The following BCO1 variants were observed in gnomAD, a reference collection of about 807,000 sequenced individuals.
The protein encoded by BCO1 is beta-carotene oxygenase 1.
In BCO1, 54 loss-of-function variants were observed where a neutral mutation model predicts 56.3. The ratio of observed to expected loss-of-function variants is 0.96; its 90% CI spans 0.77 to 1.20. The LOEUF is 1.20. BCO1 is among the 50% of genes most tolerant of loss of function. The probability of loss-of-function intolerance (pLI) is 0.00; values close to 1 mark genes in which losing one functional copy is unlikely to be tolerated. For missense variants in BCO1, 801 were observed against 690.9 expected (o/e 1.16, Z -1.79); for synonymous variants, 318 against 266.1 (o/e 1.20, Z -1.90).
intron 2 of BCO1, among the ~76,000 whole-genome samples, chr16:81,253,293 C>G (rs902740767): frequency 2.0e-5 from 3 of 152,170 alleles, no homozygotes; most frequent in African/African-American, 7.2e-5. Context: ...TCTCAATACT[C>G]TACGCAGCTT....
Position 81,247,250 on chromosome 16 carries a change from C to T in BCO1, c.193+1647C>T, listed in dbSNP as rs73599345. Among the ~76,000 whole-genome samples, 1,275 of 152,246 alleles carry T rather than the reference C, an allele frequency of 8.4e-3. 21 individuals carry two copies. The highest frequency in any genetic ancestry group is 0.029 in the African/African-American group (1,207 of 41,534). The stretch of plus-strand genomic sequence containing the variant: ...CTGGGATTACGTTAAGTCTCTCAGC[C>T]TCAGTTTCCTCATCAGTAAAATGAG... On this transcript the variant is annotated intron_variant, in intron 2 of 10. Coordinates refer to ENST00000258168, the MANE Select transcript of BCO1 (RefSeq NM_017429.3).
chr16:81,276,215 A>G lies in BCO1; in HGVS notation c.1102-4642A>G, dbSNP rs146346974. ...TTTTCTGCTCTTAGACCCTGGCAAG[A>G]GGGGCCCCTGCTCTGGGTTTGGCAC... On this transcript the variant is annotated intron_variant, in intron 7 of 10. Coordinates refer to ENST00000258168, the MANE Select transcript of BCO1 (RefSeq NM_017429.3). Among the ~76,000 whole-genome samples the G allele has an allele frequency of 4.4e-3, 665 of 152,316 alleles. 2 individuals are homozygous for G. Among genetic ancestry groups the G allele is most frequent in the African/African-American group, 0.015 (634 of 41,578 alleles).
At position 81,262,282 on chromosome 16, in the gene BCO1, A is replaced by C; in HGVS notation, c.470A>C (p.Lys157Thr). Residue 157 changes from lysine to threonine, a missense_variant and splice_region_variant, in exon 4 of 11, where the codon AAG becomes ACG. Coordinates refer to ENST00000258168, the MANE Select transcript of BCO1 (RefSeq NM_017429.3). ...INPQTLETLE[K>T]VDYRKYVAVN... ...CCACAGACTCTGGAAACCCTGGAGA[A>C]GGTATCAACACATATGTAACCAGCA... 1.2e-6 allele frequency: 2 copies of C among 1,612,732 alleles called. No individual in the cohort carries two copies. Among genetic ancestry groups the C allele is most frequent in the Admixed American group, 1.7e-5 (1 of 60,000 alleles).
chr16:81,274,647 G>A (rs1395175360), intron 7 of BCO1, among the ~76,000 whole-genome samples: 4 of 152,176 alleles, frequency 2.6e-5, no homozygotes, highest in African/African-American at 7.2e-5. Context: ...AGGAGGCCCA[G>A]GCAGGTGATC....
chr16:81,255,507 T>A (rs1374789358), intron 2 of BCO1, among the ~76,000 whole-genome samples: 1 of 151,344 alleles, frequency 6.6e-6, no homozygotes, highest in African/African-American at 2.5e-5. Flanking sequence ...TTTTTTATTT[T>A]TTATTTTTTT....
At chr16:81,245,131 A>G (rs1340440920) in intron 1 of BCO1, among the ~76,000 whole-genome samples, 1 of 152,128 alleles carries the variant, frequency 6.6e-6, no homozygotes, top group Non-Finnish European at 1.5e-5. Flanking sequence ...ACCTCAGGTG[A>G]TCCACCCACC....
intron 5 of BCO1, 34 bp from the exon 6 acceptor site, chr16:81,267,874 C>A: frequency 6.3e-7 from 1 of 1,599,658 alleles, no homozygotes; most frequent in Non-Finnish European, 8.6e-7. Context: ...CCAGATCCTG[C>A]ACAATTCCTG....
chr16:81,246,264 C>T (rs2151926790), intron 2 of BCO1, among the ~76,000 whole-genome samples: 1 of 152,176 alleles, frequency 6.6e-6, no homozygotes, highest in Middle Eastern at 3.4e-3. Flanking sequence ...TACATTGAAT[C>T]CACTCAGATA....
At chr16:81,246,200 C>T (rs1905405567) in intron 2 of BCO1, among the ~76,000 whole-genome samples, 1 of 152,152 alleles carries the variant, frequency 6.6e-6, no homozygotes, top group Admixed American at 6.6e-5. Context: ...TCCATCCTCA[C>T]ACCTCCTCCT....
chr16:81,273,533 G>C (rs74031605), intron 7 of BCO1, among the ~76,000 whole-genome samples: 28,281 of 152,008 alleles, frequency 0.19, 3,228 homozygotes, highest in Non-Finnish European at 0.24. Flanking sequence ...TCCAGAGCTG[G>C]GGTCCTCTCC....
chr16:81,245,463 C>G lies in BCO1; in HGVS notation c.65-12C>G, dbSNP rs933510424. 2 of 1,614,090 alleles carry G rather than the reference C, an allele frequency of 1.2e-6. No homozygotes were observed. Among genetic ancestry groups the G allele is most frequent in the South Asian group, 1.1e-5 (1 of 91,084 alleles). ...GTGGAAACGGGAAACTAAACATTCT[C>G]TCTTTTCTCAGGCAAGATTCCAGCA... On this transcript the variant is annotated splice_polypyrimidine_tract_variant and intron_variant, in intron 1 of 10. Coordinates refer to ENST00000258168, the MANE Select transcript of BCO1 (RefSeq NM_017429.3).
At position 81,256,117 on chromosome 16, in the gene BCO1, A is replaced by ATT. The variant is rs57609331; in HGVS notation, c.194-3547_194-3546dup. Among the ~76,000 whole-genome samples the ATT allele has an allele frequency of 3.6e-3, 524 of 144,906 alleles. 2 individuals are homozygous for ATT. Among genetic ancestry groups the ATT allele is most frequent in the African/African-American group, 0.011 (454 of 39,518 alleles). ...AGGCATGAGGCACTGCGCATGGCCG[A>ATT]TTTTTTTTTTTTTCCAGCGAATGCA... is the stretch of plus-strand genomic sequence containing the variant. On this transcript the variant is annotated intron_variant, in intron 2 of 10. Coordinates refer to ENST00000258168, the MANE Select transcript of BCO1 (RefSeq NM_017429.3).
chr16:81,270,491 TTTGATTGACA>T, intron 7 of BCO1, 75 bp downstream of exon 7: 2 of 1,590,350 alleles, frequency 1.3e-6, no homozygotes, highest in Admixed American at 3.4e-5. Context: ...TTGGCCCTTA[TTTGATTGACA>T]TTGAAATCCA....
At chr16:81,248,766 C>T (rs1210446041) in intron 2 of BCO1, among the ~76,000 whole-genome samples, 3 of 152,128 alleles carry the variant, frequency 2.0e-5, no homozygotes, top group Non-Finnish European at 4.4e-5. Context: ...AATCCCAGCA[C>T]TTTGGGGAGC....
At chr16:81,284,722 C>T (rs1316967485) in intron 8 of BCO1, among the ~76,000 whole-genome samples, 1 of 152,020 alleles carries the variant, frequency 6.6e-6, no homozygotes, top group African/African-American at 2.4e-5. Flanking sequence ...TGGCCTCAAG[C>T]GATCCTCCCA....
chr16:81,287,547 C>G (rs1908257260), intron 10 of BCO1, 141 bp downstream of exon 10: 3 of 736,952 alleles, frequency 4.1e-6, no homozygotes, highest in East Asian at 2.7e-5. Context: ...CTGTCTGGGT[C>G]AAAGCTAAAG....
chr16:81,244,061 C>T (rs1905258508), intron 1 of BCO1, among the ~76,000 whole-genome samples: 1 of 152,238 alleles, frequency 6.6e-6, no homozygotes, highest in Non-Finnish European at 1.5e-5. Context: ...AGGGGCATTA[C>T]CTATCCGAGG....
rs140060454 is a variant in BCO1 at position 81,278,154 on chromosome 16, G to A, written c.1102-2703G>A. ...CCTCCCAGGTTCAAGCGATTCTCCT[G>A]CCTCAGTCTCCTGAGCAGCTGGGAC... On this transcript the variant is annotated intron_variant, in intron 7 of 10. Transcript: ENST00000258168. 2.2e-3 allele frequency among the ~76,000 whole-genome samples: 342 copies of A among 152,174 alleles called. 4 individuals carry two copies. In the East Asian group the frequency reaches 0.044, roughly 20 times the overall value.
chr16:81,255,952 G>C (rs1174427326), intron 2 of BCO1, among the ~76,000 whole-genome samples: 1 of 151,070 alleles, frequency 6.6e-6, no homozygotes, highest in East Asian at 1.9e-4. Flanking sequence ...GAGTAGCTGG[G>C]ACCACAGGTG....
Sources: allele counts gnomAD v4.1 joint callset (sites outside exome capture counted in the v4.1 genomes callset), GRCh38; gene constraint gnomAD v4.1.1; transcripts MANE v1.5; gene names NCBI Gene and HGNC (gene_info 2026-07-23, HGNC 2026-07-21).